CCSER1: variants seen among roughly 807,000 people sequenced by gnomAD.
CCSER1 encodes the protein serine-rich coiled-coil domain-containing protein 1.
A neutral mutation model predicts 82.0 loss-of-function variants in CCSER1; 41 were observed. That is an observed-to-expected ratio of 0.50 (90% CI 0.39 to 0.65). CCSER1 has a LOEUF of 0.65. CCSER1 is among the 30% of genes least tolerant of loss of function. CCSER1 has a pLI of 0.00. For synonymous variants in CCSER1, 414 were observed against 383.9 expected (o/e 1.08, Z -0.92); for missense variants, 1,119 against 1,064.2 (o/e 1.05, Z -0.72).
intron 10 of CCSER1, among the ~76,000 whole-genome samples, chr4:91,296,483 A>ATATATTTATTTATT (rs1175690764): frequency 7.7e-4 from 96 of 124,026 alleles, no homozygotes; most frequent in African/African-American, 2.8e-3. Context: ...ATATATATAT[A>ATATATTTATTTATT]TATTTTAATT....
chr4:91,269,166 A>G (rs1476551860), intron 10 of CCSER1, among the ~76,000 whole-genome samples: 1 of 152,238 alleles, frequency 6.6e-6, no homozygotes, highest in African/African-American at 2.4e-5. Context: ...GATTGAAGGC[A>G]TGCCTTGGGC....
chr4:90,788,792 G>A (rs1049151647), intron 7 of CCSER1, among the ~76,000 whole-genome samples: 4 of 152,092 alleles, frequency 2.6e-5, no homozygotes, highest in East Asian at 1.9e-4. Context: ...TTAGAAAGGC[G>A]ATCCTTTATC....
At chr4:90,819,956 A>C (rs1759519515) in intron 8 of CCSER1, among the ~76,000 whole-genome samples, 1 of 152,234 alleles carries the variant, frequency 6.6e-6, no homozygotes, top group Non-Finnish European at 1.5e-5. Context: ...TACATTCTGT[A>C]GCCAGAAGTT....
At chr4:91,234,509 T>C (rs1738855786) in intron 10 of CCSER1, among the ~76,000 whole-genome samples, 1 of 152,100 alleles carries the variant, frequency 6.6e-6, no homozygotes, top group African/African-American at 2.4e-5. Flanking sequence ...TATTTATATT[T>C]TGCAGAATGC....
At chr4:90,319,606 C>T (rs992383124) in intron 3 of CCSER1, among the ~76,000 whole-genome samples, 7 of 151,162 alleles carry the variant, frequency 4.6e-5, no homozygotes, top group East Asian at 3.9e-4. Context: ...GAGCCGAGAT[C>T]GCGCCACTGC....
At position 90,179,278 on chromosome 4, in the gene CCSER1, A is replaced by T. The variant is rs561198279; in HGVS notation, c.-42+51447A>T. Among the ~76,000 whole-genome samples, 9 of 152,322 alleles carry T rather than the reference A, an allele frequency of 5.9e-5. No individual in the cohort carries two copies. The South Asian group carries it at 1.9e-3, about 32-fold the overall frequency. On this transcript the variant is annotated intron_variant, in intron 1 of 10. Coordinates refer to ENST00000509176, the MANE Select transcript of CCSER1 (RefSeq NM_001145065.2). ...AAGAAAATGGATATAGCCCAGAGATAACCTAAGGATAGGATATGGAATACA... is the reference window on the plus strand; with the variant it reads ...AAGAAAATGGATATAGCCCAGAGATTACCTAAGGATAGGATATGGAATACA...
intron 5 of CCSER1, among the ~76,000 whole-genome samples, chr4:90,544,924 A>T (rs760340653): frequency 6.6e-6 from 1 of 152,132 alleles, no homozygotes; most frequent in Non-Finnish European, 1.5e-5. Flanking sequence ...GTTTATTTTT[A>T]TCATCTCTGT....
intron 10 of CCSER1, among the ~76,000 whole-genome samples, chr4:91,087,411 T>C (rs1244609750): frequency 6.6e-6 from 1 of 152,124 alleles, no homozygotes; most frequent in Non-Finnish European, 1.5e-5. Context: ...TGCATAATGA[T>C]TGGGTTTTAT....
At chr4:90,264,994 G>T (rs991623795) in intron 1 of CCSER1, among the ~76,000 whole-genome samples, 1 of 151,734 alleles carries the variant, frequency 6.6e-6, no homozygotes, top group Non-Finnish European at 1.5e-5. Context: ...ATTTTCTTCT[G>T]TCTTCATAAA....
At chr4:90,944,570 T>C (rs1732008171) in intron 9 of CCSER1, among the ~76,000 whole-genome samples, 1 of 152,176 alleles carries the variant, frequency 6.6e-6, no homozygotes, top group Non-Finnish European at 1.5e-5. Flanking sequence ...TTTTTGGAAT[T>C]ACCTCACACA....
chr4:90,905,138 C>G (rs1725265257), intron 8 of CCSER1, among the ~76,000 whole-genome samples: 1 of 152,206 alleles, frequency 6.6e-6, no homozygotes, highest in East Asian at 1.9e-4. Context: ...AAAAGCATTT[C>G]CTCTAGACAA....
intron 1 of CCSER1, among the ~76,000 whole-genome samples, chr4:90,240,402 G>A (rs1244313014): frequency 2.0e-5 from 3 of 152,140 alleles, no homozygotes; most frequent in African/African-American, 7.2e-5. Context: ...AGATTGGCAA[G>A]CAACCACACG....
rs566961080 is a variant in CCSER1, at chr4:90,674,557, C to T, written c.1932+46325C>T. ...ATCCTGCCACTTAGGTGACTCCTGA[C>T]GGCATTGTTTTATTACCAAACAAAA... On this transcript the variant is annotated intron_variant, in intron 6 of 10. Coordinates refer to ENST00000509176, the MANE Select transcript of CCSER1 (RefSeq NM_001145065.2). Among the ~76,000 whole-genome samples, 14 of 151,874 alleles carry T rather than the reference C, an allele frequency of 9.2e-5. No homozygotes were observed. The South Asian group carries it at 1.0e-3, about 11-fold the overall frequency.
chr4:90,322,471 A>T (rs1370758437), intron 3 of CCSER1, among the ~76,000 whole-genome samples: 3 of 151,998 alleles, frequency 2.0e-5, no homozygotes, highest in Non-Finnish European at 4.4e-5. Context: ...GGGTATTTTG[A>T]ATTGTTACAT....
intron 5 of CCSER1, among the ~76,000 whole-genome samples, chr4:90,622,793 G>T (rs563361201): frequency 1.3e-4 from 20 of 151,968 alleles, no homozygotes; most frequent in African/African-American, 4.4e-4. Flanking sequence ...GTAATGGGAT[G>T]GCTGGGTCAA....
At chr4:91,378,940 A>C (rs1750655361) in intron 10 of CCSER1, among the ~76,000 whole-genome samples, 1 of 152,134 alleles carries the variant, frequency 6.6e-6, no homozygotes, top group Non-Finnish European at 1.5e-5. Context: ...TACCTAATTT[A>C]TTGAGAGTTT....
chr4:90,544,002 CAA>C (rs1776440148), intron 5 of CCSER1, among the ~76,000 whole-genome samples: 1 of 152,006 alleles, frequency 6.6e-6, no homozygotes, highest in African/African-American at 2.4e-5. Flanking sequence ...GTGTCAGAGA[CAA>C]GAGTTTCTTC....
At chr4:90,739,234 G>C (rs1561048125) in intron 7 of CCSER1, among the ~76,000 whole-genome samples, 1 of 152,164 alleles carries the variant, frequency 6.6e-6, no homozygotes. Flanking sequence ...GGTTCCCTTT[G>C]GCCCATGGTA....
intron 9 of CCSER1, among the ~76,000 whole-genome samples, chr4:91,045,801 C>T (rs112768473): frequency 8.9e-6 from 1 of 112,462 alleles, no homozygotes; most frequent in Non-Finnish European, 1.9e-5. Context: ...CACATGCATC[C>T]GTGTGAAGAG....
Sources: gnomAD v4.1 joint callset for allele counts (sites outside exome capture counted in the v4.1 genomes callset) on GRCh38, gnomAD v4.1.1 for gene constraint, MANE v1.5 for transcripts, NCBI Gene and HGNC (gene_info 2026-07-23, HGNC 2026-07-21) for gene names.